Variants in TXLNB observed in about 807,000 individuals in gnomAD.
TXLNB encodes the protein beta-taxilin.
In TXLNB, 37 loss-of-function variants were observed where a neutral mutation model predicts 57.4. The observed-to-expected ratio is 0.64, with a 90% confidence interval of 0.50 to 0.85. The LOEUF (loss-of-function observed/expected upper bound fraction) is 0.85. Ranked by LOEUF, TXLNB falls within the 40% of genes least tolerant of loss-of-function variation. The pLI is 0.00. For synonymous variants in TXLNB, 302 were observed against 309.6 expected (o/e 0.98, Z 0.26); for missense variants, 848 against 825.6 (o/e 1.03, Z -0.33).
intron 2 of TXLNB, among the ~76,000 whole-genome samples, chr6:139,281,119 T>C (rs892522552): frequency 6.6e-6 from 1 of 152,154 alleles, no homozygotes; most frequent in African/African-American, 2.4e-5. Context: ...CTGGCTTTAA[T>C]TTCCCTGTCT....
At position 139,262,574 on chromosome 6, in the gene TXLNB, C is replaced by G. The variant is rs771427688; in HGVS notation, c.882+5G>C. ...CTGTTCTAAGTTGTTTGATGTGGTT[C>G]TCACCTCCTCTCTGAGCTCATACTG... On this transcript the variant is annotated splice_donor_5th_base_variant and intron_variant, in intron 5 of 9. Transcript: ENST00000358430. The G allele has an allele frequency of 1.9e-6, 3 of 1,610,038 alleles. No individual in the cohort carries two copies. Among genetic ancestry groups the G allele is most frequent in the Non-Finnish European group, 2.5e-6 (3 of 1,178,136 alleles).
chr6:139,272,988 C>T (rs1392656237), intron 3 of TXLNB, among the ~76,000 whole-genome samples: 3 of 151,814 alleles, frequency 2.0e-5, no homozygotes, highest in Non-Finnish European at 4.4e-5. Context: ...GAGTTGAGAT[C>T]GTGCCATTGC....
At chr6:139,308,595 TG>T in the TXLNB span, among the ~76,000 whole-genome samples, 1 of 152,244 alleles carries the variant, frequency 6.6e-6, no homozygotes, top group Non-Finnish European at 1.5e-5. Context: ...GTATGGACTA[TG>T]TCGTTAGTGG....
the TXLNB span, among the ~76,000 whole-genome samples, chr6:139,193,800 C>T: frequency 6.8e-6 from 1 of 146,566 alleles, no homozygotes; most frequent in African/African-American, 2.5e-5. Flanking sequence ...ATTACAGGTG[C>T]ACACCACCAT....
the TXLNB span, among the ~76,000 whole-genome samples, chr6:139,233,491 C>G: frequency 4.0e-5 from 6 of 151,394 alleles, no homozygotes; most frequent in South Asian, 1.3e-3. Flanking sequence ...AGGCTAGATA[C>G]AGTGGCAGGA....
chr6:139,244,282 A>T (rs1776021828), intron 9 of TXLNB, among the ~76,000 whole-genome samples: 2 of 152,218 alleles, frequency 1.3e-5, no homozygotes, highest in South Asian at 4.1e-4. Context: ...ATTTAAAGTA[A>T]AATAAGACAC....
the TXLNB span, among the ~76,000 whole-genome samples, chr6:139,164,059 C>A: frequency 1.7e-5 from 2 of 120,998 alleles, no homozygotes; most frequent in Non-Finnish European, 3.5e-5. Context: ...CACACACACA[C>A]ACACACAAAC....
chr6:139,204,952 G>A, the TXLNB span, among the ~76,000 whole-genome samples: 2 of 152,256 alleles, frequency 1.3e-5, no homozygotes, highest in Admixed American at 1.3e-4. Flanking sequence ...AGTGGCTGTG[G>A]CAAGCCCTGC....
At chr6:139,227,072 G>A in the TXLNB span, among the ~76,000 whole-genome samples, 1 of 152,014 alleles carries the variant, frequency 6.6e-6, no homozygotes, top group Admixed American at 6.5e-5. Context: ...CCCAGGTGTG[G>A]TGGCTCATGC....
At chr6:139,247,689 A>G (rs956055274) in intron 8 of TXLNB, 128 bp downstream of exon 8, 3 of 576,686 alleles carry the variant, frequency 5.2e-6, no homozygotes, top group Non-Finnish European at 9.0e-6. Context: ...CCTCATTCCT[A>G]CCTATAAACA....
the TXLNB span, among the ~76,000 whole-genome samples, chr6:139,185,111 C>T: frequency 4.6e-5 from 7 of 152,170 alleles, no homozygotes; most frequent in African/African-American, 1.7e-4. Context: ...TCTGAGGCTC[C>T]AGAACCCCAT....
At chr6:139,317,393 G>A in the TXLNB span, among the ~76,000 whole-genome samples, 1 of 149,434 alleles carries the variant, frequency 6.7e-6, no homozygotes, top group Non-Finnish European at 1.5e-5. Context: ...GAGTTATAAA[G>A]ACAGAGGTTT....
chr6:139,285,803 C>A (rs1408749112), intron 2 of TXLNB, among the ~76,000 whole-genome samples: 1 of 145,214 alleles, frequency 6.9e-6, no homozygotes. Context: ...GCAGATATCT[C>A]CAACCCTCAG....
In TXLNB at chr6:139,264,478, T is replaced by A. The variant is rs73560716; in HGVS notation, c.688-1705A>T. ...AGATGATAGGATGGCACTAAATAAA[T>A]GTCAAACAAACAATCATAACCGCCA... On this transcript the variant is annotated intron_variant, in intron 4 of 9. Transcript: ENST00000358430. 2.8e-3 allele frequency among the ~76,000 whole-genome samples: 422 copies of A among 152,226 alleles called. 2 individuals carry two copies. The highest frequency in any genetic ancestry group is 9.7e-3 in the African/African-American group (405 of 41,546).
At chr6:139,261,659 G>T in intron 5 of TXLNB, among the ~76,000 whole-genome samples, 1 of 152,000 alleles carries the variant, frequency 6.6e-6, no homozygotes, top group Admixed American at 6.6e-5. Context: ...TTTGCCTCTT[G>T]TGACTGTGGG....
At chr6:139,161,144 C>T in the TXLNB span, among the ~76,000 whole-genome samples, 1 of 152,128 alleles carries the variant, frequency 6.6e-6, no homozygotes, top group South Asian at 2.1e-4. Context: ...GGCCAACACA[C>T]TTCAGCAAAA....
At chr6:139,225,112 C>T in the TXLNB span, among the ~76,000 whole-genome samples, 1 of 152,112 alleles carries the variant, frequency 6.6e-6, no homozygotes, top group African/African-American at 2.4e-5. Context: ...ACAGAAAATG[C>T]ATTTGACAAA....
At chr6:139,244,534 C>T (rs1482719580) in intron 9 of TXLNB, 61 bp downstream of exon 9, 45 of 1,129,514 alleles carry the variant, frequency 4.0e-5, no homozygotes, top group Middle Eastern at 2.0e-4. Context: ...ATAATTGTAT[C>T]GTAAGTTTGA....
At chr6:139,213,275 G>T in the TXLNB span, among the ~76,000 whole-genome samples, 1 of 152,116 alleles carries the variant, frequency 6.6e-6, no homozygotes, top group Non-Finnish European at 1.5e-5. Flanking sequence ...ATAACAAACG[G>T]TCTCTCGGAC....
Sources: allele counts gnomAD v4.1 joint callset (sites outside exome capture counted in the v4.1 genomes callset), GRCh38; gene constraint gnomAD v4.1.1; transcripts MANE v1.5; gene names NCBI Gene and HGNC (gene_info 2026-07-23, HGNC 2026-07-21).